The following ABI1 variants were observed in gnomAD, a reference collection of about 807,000 sequenced individuals.
The protein encoded by ABI1 is Abelson interactor 1.
A neutral mutation model predicts 54.6 loss-of-function variants in ABI1; 14 were observed. The ratio of observed to expected loss-of-function variants is 0.26; its 90% confidence interval spans 0.17 to 0.40. ABI1 has a LOEUF of 0.40. ABI1 is among the 10% of genes least tolerant of loss of function. The probability of loss-of-function intolerance (pLI) is 1.00; values close to 1 mark genes in which losing one functional copy is unlikely to be tolerated. For missense variants in ABI1, 443 were observed against 598.3 expected, an observed-to-expected ratio of 0.74 and a Z score of 2.71; for synonymous variants, 194 against 209.3, an observed-to-expected ratio of 0.93 and a Z score of 0.63.
intron 9 of ABI1, among the ~76,000 whole-genome samples, chr10:26,755,083 C>T (rs1159539068): frequency 6.6e-6 from 1 of 152,160 alleles, no homozygotes; most frequent in Admixed American, 6.5e-5. Context: ...TTATCACTCA[C>T]ACTGAAATGG....
chr10:26,844,285 C>T (rs2049808738), intron 1 of ABI1, among the ~76,000 whole-genome samples: 1 of 152,124 alleles, frequency 6.6e-6, no homozygotes, highest in Non-Finnish European at 1.5e-5. Context: ...AGAAACTTTG[C>T]CTGAGAACCC....
Position 26,845,132 on chromosome 10 carries a change from T to C in ABI1, c.117+15615A>G, listed in dbSNP as rs550396143. On this transcript the variant is annotated intron_variant, in intron 1 of 10. Coordinates refer to ENST00000376140, the MANE Select transcript of ABI1 (RefSeq NM_001012750.3). ...GTATTGACCCTTTTATAGGAACATA[T>C]TACCTAAATGCTTTAAAAAAAAAAA... 4.1e-5 allele frequency among the ~76,000 whole-genome samples: 6 copies of C among 144,704 alleles called. No homozygotes were observed. In the East Asian group the frequency reaches 8.5e-4, roughly 21 times the overall value. The allele number at this position is 144,704 out of a possible 152,430, so 94.9% of individuals were successfully genotyped here.
At chr10:26,771,313 C>T (rs1840657910) in intron 3 of ABI1, among the ~76,000 whole-genome samples, 2 of 152,144 alleles carry the variant, frequency 1.3e-5, no homozygotes, top group South Asian at 2.1e-4. Context: ...AGGAAACCAC[C>T]ACTTAATTAT....
intron 1 of ABI1, among the ~76,000 whole-genome samples, chr10:26,831,236 C>CA (rs374279635): frequency 0.031 from 4,418 of 144,338 alleles, 247 homozygotes; most frequent in East Asian, 0.22. Flanking sequence ...CTCCAACTTC[C>CA]AAAAAAAAAA....
intron 2 of ABI1, among the ~76,000 whole-genome samples, chr10:26,806,911 C>T (rs773720662): frequency 6.6e-6 from 1 of 152,142 alleles, no homozygotes; most frequent in African/African-American, 2.4e-5. Context: ...TCCCTGAATC[C>T]ACAAGTTGTC....
chr10:26,832,491 GA>G (rs1284689001), intron 1 of ABI1, among the ~76,000 whole-genome samples: 1 of 152,094 alleles, frequency 6.6e-6, no homozygotes, highest in Non-Finnish European at 1.5e-5. Flanking sequence ...GGCTGAGGCA[GA>G]AGAATGGCGT....
chr10:26,796,638 T>C (rs1031201219), intron 2 of ABI1, among the ~76,000 whole-genome samples: 2 of 152,232 alleles, frequency 1.3e-5, no homozygotes, highest in African/African-American at 4.8e-5. Context: ...AGGATTTTCA[T>C]TAAATAAGTA....
chr10:26,777,393 G>T, intron 2 of ABI1, 152 bp from the exon 3 acceptor site: 2 of 566,218 alleles, frequency 3.5e-6, no homozygotes, highest in Non-Finnish European at 5.9e-6. Flanking sequence ...TAGGCTAAAA[G>T]CAGAGAATAT....
At chr10:26,829,119 G>A (rs573434406) in intron 1 of ABI1, among the ~76,000 whole-genome samples, 145 of 152,080 alleles carry the variant, frequency 9.5e-4, no homozygotes, top group African/African-American at 3.0e-3. Flanking sequence ...CCAGCTACTC[G>A]GGAGGCTGAG....
chr10:26,814,811 C>T (rs2133632882), intron 2 of ABI1, among the ~76,000 whole-genome samples: 1 of 152,132 alleles, frequency 6.6e-6, no homozygotes, highest in Admixed American at 6.5e-5. Context: ...AAGTTAAAAG[C>T]TCCACACTGA....
chr10:26,763,666 T>A (rs1839526084), intron 7 of ABI1, among the ~76,000 whole-genome samples: 1 of 152,218 alleles, frequency 6.6e-6, no homozygotes, highest in Non-Finnish European at 1.5e-5. Context: ...AAACCAAGCA[T>A]TTCATATTAT....
intron 1 of ABI1, among the ~76,000 whole-genome samples, chr10:26,843,635 T>C (rs935664443): frequency 6.6e-6 from 1 of 151,156 alleles, no homozygotes; most frequent in African/African-American, 2.4e-5. Flanking sequence ...GCACCGTACC[T>C]CCTCACCCAA....
chr10:26,846,274 A>G (rs1392252393), intron 1 of ABI1, among the ~76,000 whole-genome samples: 2 of 152,024 alleles, frequency 1.3e-5, no homozygotes, highest in East Asian at 3.8e-4. Context: ...CTCCACTCTA[A>G]ACAAGAGTAA....
intron 2 of ABI1, among the ~76,000 whole-genome samples, chr10:26,786,042 A>C (rs1842699224): frequency 6.6e-6 from 1 of 152,176 alleles, no homozygotes; most frequent in African/African-American, 2.4e-5. Flanking sequence ...TTTAGCTTGC[A>C]TGGAGGGCAA....
chr10:26,787,510 C>G (rs1309426805), intron 2 of ABI1, among the ~76,000 whole-genome samples: 2 of 152,066 alleles, frequency 1.3e-5, no homozygotes, highest in African/African-American at 2.4e-5. Flanking sequence ...TCCATTCTCT[C>G]AATTCTGAAT....
chr10:26,765,259 G>C lies in ABI1; in HGVS notation c.779C>G (p.Pro260Arg), dbSNP rs373092481. The C allele has an allele frequency of 6.2e-7, 1 of 1,604,608 alleles. No homozygotes were observed. Reference sequence around the variant, plus strand: ...TGGCGAAGGTGTAGGCACAGCAATGGGAATGCCAATACTACTGCTACCACT... The same window carrying C: ...TGGCGAAGGTGTAGGCACAGCAATGCGAATGCCAATACTACTGCTACCACT... The part of the protein sequence containing the change: ...ENSGSSSIGI[P>R]IAVPTPSPPT... Residue 260 changes from proline (P) to arginine (R), a missense_variant, in exon 7 of 11, where the codon CCC (proline) becomes CGC (arginine). Coordinates refer to ENST00000376140, the MANE Select transcript of ABI1 (RefSeq NM_001012750.3).
In ABI1 at chr10:26,860,488, G is replaced by A. The variant is rs1377648537; in HGVS notation, c.117+259C>T. Among the ~76,000 whole-genome samples the A allele has an allele frequency of 6.6e-6, 1 of 152,222 alleles. No homozygotes were observed. The highest frequency in any genetic ancestry group is 1.9e-4 in the East Asian group (1 of 5,190). On this transcript the variant is annotated intron_variant, in intron 1 of 10. Transcript: ENST00000376140. The surrounding 1 kb of genome is among the most constrained non-coding windows in gnomAD (Gnocchi z 4.1). ...GGGCGCCGGGCTGCGGCAGCGGCGG[G>A]CTCCCGGCTCCCTCGCCCATTTTCT...
chr10:26,849,094 AC>A (rs1344182391), intron 1 of ABI1, among the ~76,000 whole-genome samples: 1 of 152,146 alleles, frequency 6.6e-6, no homozygotes, highest in Non-Finnish European at 1.5e-5. Flanking sequence ...TGTTCTGCAG[AC>A]CCCTGAGGAT....
rs770434218 is a variant in ABI1 at position 26,823,183 on chromosome 10, G to A, written c.240C>T (p.Ala80=). Residue 80 remains alanine (A), a synonymous_variant, in exon 2 of 11, where the codon GCC becomes GCT. Transcript: ENST00000376140. ...NNVLQLLDIQ[A]SQLRRMESSI... ...AAGACTCCATTCTCCGAAGCTGAGA[G>A]GCTTGGATATCCAGCAACTGGAGTA... 66 of 1,602,348 alleles carry A rather than the reference G, an allele frequency of 4.1e-5. No homozygotes were observed. The highest frequency in any genetic ancestry group is 5.3e-5 in the Non-Finnish European group (62 of 1,176,536).
Sources: gnomAD v4.1 joint callset for allele counts (sites outside exome capture counted in the v4.1 genomes callset) on GRCh38, gnomAD v4.1.1 for gene constraint, Gnocchi (gnomAD v3.1) non-coding constraint, MANE v1.5 for transcripts, NCBI Gene and HGNC (gene_info 2026-07-23, HGNC 2026-07-21) for gene names.